The following CLCN6 variants were observed in gnomAD, a reference collection of about 807,000 sequenced individuals.
CLCN6 encodes H(+)/Cl(-) exchange transporter 6.
Under a neutral mutation model 109.8 loss-of-function variants are expected in CLCN6, and 70 were observed. The ratio of observed to expected loss-of-function variants is 0.64; its 90% CI spans 0.53 to 0.78. The LOEUF (loss-of-function observed/expected upper bound fraction) is 0.78, where lower values mean the gene tolerates loss of function less well. CLCN6 is among the 30% of genes least tolerant of loss of function. The pLI, the probability that CLCN6 is intolerant of heterozygous loss-of-function variation, is 0.00. For synonymous variants in CLCN6, 444 were observed against 447.8 expected (o/e 0.99, Z 0.11); for missense variants, 984 against 1,142.3 (o/e 0.86, Z 2.00).
chr1:11,842,102 C>T lies in CLCN6; in HGVS notation c.*1879C>T, dbSNP rs914774902. On this transcript the variant is annotated 3_prime_UTR_variant, in exon 23 of 23. Transcript: ENST00000346436. ...GTCCAAGTCAGGAGAATGGTGTGAT[C>T]ACCTGTCACAGACACTTTGTCCCCT... The T allele has an allele frequency of 2.0e-5, 3 of 152,190 alleles. No individual in the cohort carries two copies. The highest frequency in any genetic ancestry group is 7.2e-5 in the African/African-American group (3 of 41,446). The allele number at this position is 152,190 out of a possible 1,614,324, so 9.4% of individuals were successfully genotyped here.
chr1:11,822,759 C>T lies in CLCN6; in HGVS notation c.411C>T (p.Asn137=), dbSNP rs747185160. 14 of 1,613,958 alleles carry T rather than the reference C, an allele frequency of 8.7e-6. No homozygotes were observed. Among genetic ancestry groups the T allele is most frequent in the Non-Finnish European group, 1.1e-5 (13 of 1,179,976 alleles). ...CTCTCCTTGAACTCCTGGGTTTTAACCTCACCTTTGTCTTCCTGGCAAGCC... is the reference window on the plus strand; with the variant it reads ...CTCTCCTTGAACTCCTGGGTTTTAATCTCACCTTTGTCTTCCTGGCAAGCC... ...ALSLLELLGF[N]LTFVFLASLL... Residue 137 remains asparagine (N), a synonymous_variant, in exon 6 of 23, where the codon AAC becomes AAT. Coordinates refer to ENST00000346436, the MANE Select transcript of CLCN6 (RefSeq NM_001286.5).
rs1253826881 is a variant in CLCN6, at chr1:11,825,868, C to T, written c.649-288C>T. Among the ~76,000 whole-genome samples the T allele has an allele frequency of 2.0e-5, 3 of 152,200 alleles. No homozygotes were observed. In the East Asian group the frequency reaches 5.8e-4, roughly 29 times the overall value. ...CAACTCCTGACCTTAGGTAATCAGCCGTCCGCCTCGGCCTCCCAAAGTGGT... is the reference window on the plus strand; with the variant it reads ...CAACTCCTGACCTTAGGTAATCAGCTGTCCGCCTCGGCCTCCCAAAGTGGT... On this transcript the variant is annotated intron_variant, in intron 8 of 22. Transcript: ENST00000346436.
chr1:11,824,718 T>C (rs1283181222), intron 8 of CLCN6, among the ~76,000 whole-genome samples, 165 bp downstream of exon 8: 1 of 152,178 alleles, frequency 6.6e-6, no homozygotes, highest in Non-Finnish European at 1.5e-5. Flanking sequence ...GCATAACTTA[T>C]ACTTGGAAGT....
At chr1:11,813,289 C>A (rs1367118389) in intron 2 of CLCN6, among the ~76,000 whole-genome samples, 5 of 152,038 alleles carry the variant, frequency 3.3e-5, no homozygotes, top group Non-Finnish European at 5.9e-5. Flanking sequence ...TTGGCCGCTA[C>A]AATACATATG....
intron 10 of CLCN6, among the ~76,000 whole-genome samples, 179 bp downstream of exon 10, chr1:11,827,400 C>T (rs983789343): frequency 2.6e-5 from 4 of 151,304 alleles, no homozygotes; most frequent in African/African-American, 9.7e-5. Context: ...ATATCAATAC[C>T]CTCCCTAACC....
chr1:11,813,338 GT>G (rs1032786656), intron 2 of CLCN6, among the ~76,000 whole-genome samples: 22 of 151,822 alleles, frequency 1.4e-4, no homozygotes, highest in African/African-American at 5.3e-4. Flanking sequence ...GATGAGTCTA[GT>G]TTCTAAAAGT....
intron 13 of CLCN6, among the ~76,000 whole-genome samples, chr1:11,830,890 G>A (rs1326373163): frequency 6.6e-6 from 1 of 151,898 alleles, no homozygotes; most frequent in Non-Finnish European, 1.5e-5. Flanking sequence ...CCGGAGTGCA[G>A]TGGCGCGATC....
intron 13 of CLCN6, among the ~76,000 whole-genome samples, chr1:11,831,540 T>C (rs1008162695): frequency 5.3e-5 from 8 of 152,326 alleles, no homozygotes; most frequent in Admixed American, 3.9e-4. Context: ...AAATATTTAC[T>C]GTCTGGCTCT....
In CLCN6 at chr1:11,813,530, A is replaced by T. The variant is rs138946624; in HGVS notation, c.148-2316A>T. 4.1e-3 allele frequency among the ~76,000 whole-genome samples: 618 copies of T among 152,072 alleles called. 5 individuals carry two copies. The highest frequency in any genetic ancestry group is 0.014 in the African/African-American group (597 of 41,486). On this transcript the variant is annotated intron_variant, in intron 2 of 22. Coordinates refer to ENST00000346436, the MANE Select transcript of CLCN6 (RefSeq NM_001286.5). Reference sequence around the variant, plus strand: ...CTCAGCCACCCTAGTAGCTGGGATTACAAGTGTGTGCCACCACACCCACCT... The same window carrying T: ...CTCAGCCACCCTAGTAGCTGGGATTTCAAGTGTGTGCCACCACACCCACCT...
At chr1:11,840,070 C>A (rs1351262664) in intron 22 of CLCN6, 73 bp from the exon 23 acceptor site, 3 of 1,225,668 alleles carry the variant, frequency 2.4e-6, no homozygotes, top group Non-Finnish European at 3.6e-6. Flanking sequence ...ACTAACAGGG[C>A]CGGCTCCTGT....
intron 2 of CLCN6, among the ~76,000 whole-genome samples, chr1:11,813,137 C>T (rs749539812): frequency 6.6e-6 from 1 of 152,162 alleles, no homozygotes; most frequent in African/African-American, 2.4e-5. Context: ...GTCTGTACCT[C>T]GCTGGCATTA....
chr1:11,836,174 G>A (rs746189595), intron 18 of CLCN6, 21 bp downstream of exon 18: 4 of 1,604,736 alleles, frequency 2.5e-6, no homozygotes, highest in Non-Finnish European at 2.6e-6. Context: ...CGGCATGAGA[G>A]GAAAGGCAGG....
intron 22 of CLCN6, among the ~76,000 whole-genome samples, chr1:11,839,212 G>A (rs936711494): frequency 2.0e-5 from 3 of 152,114 alleles, no homozygotes; most frequent in South Asian, 2.1e-4. Flanking sequence ...ACCCTGTCGC[G>A]GTAGCCCTGG....
intron 14 of CLCN6, 78 bp from the exon 15 acceptor site, chr1:11,833,799 G>T: frequency 6.4e-7 from 1 of 1,565,958 alleles, no homozygotes; most frequent in South Asian, 1.2e-5. Flanking sequence ...CTGGTATGGG[G>T]TGTGGTCGGG....
At chr1:11,836,244 G>A in intron 18 of CLCN6, 91 bp downstream of exon 18, 1 of 1,211,444 alleles carries the variant, frequency 8.3e-7, no homozygotes, top group Non-Finnish European at 1.1e-6. Flanking sequence ...TGGCTGGGGT[G>A]GACTTACCGG....
Position 11,834,417 on chromosome 1 carries a change from C to T in CLCN6, c.1686+22C>T, listed in dbSNP as rs200484706. 3 of 1,612,942 alleles carry T rather than the reference C, an allele frequency of 1.9e-6. No individual in the cohort carries two copies. Among genetic ancestry groups the T allele is most frequent in the Admixed American group, 1.7e-5 (1 of 59,974 alleles). On this transcript the variant is annotated intron_variant, in intron 16 of 22. Coordinates refer to ENST00000346436, the MANE Select transcript of CLCN6 (RefSeq NM_001286.5). The surrounding 1 kb of genome is among the most constrained non-coding windows in gnomAD (Gnocchi z 4.5). ...GATGGTGAGCACACTCCCTCCAGGC[C>T]CCTGTCAGGCTCAGGGCCACGTCCG...
intron 13 of CLCN6, 29 bp from the exon 14 acceptor site, chr1:11,833,486 G>T: frequency 6.2e-7 from 1 of 1,611,778 alleles, no homozygotes; most frequent in Non-Finnish European, 8.5e-7. Context: ...AGGTGTCCTT[G>T]TACTGATTTT....
At chr1:11,828,705 C>T (rs967604656) in intron 12 of CLCN6, 81 bp downstream of exon 12, 14 of 1,379,156 alleles carry the variant, frequency 1.0e-5, no homozygotes, top group Middle Eastern at 2.7e-4. Context: ...TCCCGAGGAG[C>T]GGACCCTGCC....
chr1:11,816,543 G>A, intron 3 of CLCN6, 72 bp from the exon 4 acceptor site: 1 of 1,400,494 alleles, frequency 7.1e-7, no homozygotes. Context: ...AAAACTGGTT[G>A]GCCAAGATGT....
Sources: gnomAD v4.1 joint callset for allele counts (sites outside exome capture counted in the v4.1 genomes callset) on GRCh38, gnomAD v4.1.1 for gene constraint, Gnocchi (gnomAD v3.1) non-coding constraint, MANE v1.5 for transcripts, NCBI Gene and HGNC (gene_info 2026-07-23, HGNC 2026-07-21) for gene names.